IQCK: variants seen among roughly 807,000 people sequenced by gnomAD.
The protein encoded by IQCK is IQ domain-containing protein K.
In IQCK, 29 loss-of-function variants were observed where a neutral mutation model predicts 28.1. The observed-to-expected ratio is 1.03, with a 90% CI of 0.77 to 1.41. The LOEUF is 1.41. Among genes scored for constraint, IQCK ranks in the 40% most tolerant of loss-of-function variants. The pLI is 0.00. For missense variants in IQCK, 359 were observed against 314.7 expected (o/e 1.14, Z -1.07); for synonymous variants, 113 against 115.1 (o/e 0.98, Z 0.12).
intron 9 of IQCK, among the ~76,000 whole-genome samples, chr16:19,848,442 G>T (rs2056438346): frequency 6.6e-6 from 1 of 152,160 alleles, no homozygotes; most frequent in Non-Finnish European, 1.5e-5. Flanking sequence ...CAAGTTCTTG[G>T]CTGTGTTTGA....
intron 4 of IQCK, among the ~76,000 whole-genome samples, chr16:19,746,153 CAAA>C (rs1163809152): frequency 1.9e-4 from 11 of 57,958 alleles, no homozygotes; most frequent in African/African-American, 5.6e-4. Context: ...GACTATGTCT[CAAA>C]AAAAAAAAAA....
intron 9 of IQCK, among the ~76,000 whole-genome samples, chr16:19,842,637 G>A (rs1206570095): frequency 2.0e-5 from 3 of 152,178 alleles, no homozygotes; most frequent in African/African-American, 7.2e-5. Flanking sequence ...AAAATGGTTT[G>A]CTTCTTCCCT....
chr16:19,843,892 TC>T (rs1455395570), intron 9 of IQCK, among the ~76,000 whole-genome samples: 1 of 152,138 alleles, frequency 6.6e-6, no homozygotes, highest in Admixed American at 6.5e-5. Context: ...TAAGGCTTCA[TC>T]ATATGAATTC....
chr16:19,735,869 T>C (rs1977997409), intron 4 of IQCK: 4 of 340,542 alleles, frequency 1.2e-5, no homozygotes, highest in South Asian at 9.6e-5. Flanking sequence ...TCAAGACCAC[T>C]GGGCAACATA....
chr16:19,761,189 A>C (rs971629160), intron 4 of IQCK: 1 of 337,842 alleles, frequency 3.0e-6, no homozygotes, highest in South Asian at 2.3e-5. Context: ...CCCAGCCCCT[A>C]TTCAAGATGG....
At chr16:19,803,152 T>C (rs2055782183) in intron 7 of IQCK, among the ~76,000 whole-genome samples, 1 of 152,188 alleles carries the variant, frequency 6.6e-6, no homozygotes, top group African/African-American at 2.4e-5. Flanking sequence ...GTTTGTTTTT[T>C]TGTTTTTTGA....
chr16:19,823,501 C>T (rs2056103099), intron 7 of IQCK, among the ~76,000 whole-genome samples: 1 of 152,064 alleles, frequency 6.6e-6, no homozygotes. Context: ...CACCTGGGGT[C>T]CCTGGGGAGA....
chr16:19,743,606 T>A (rs1378668998), intron 4 of IQCK, among the ~76,000 whole-genome samples: 1 of 152,242 alleles, frequency 6.6e-6, no homozygotes, highest in East Asian at 1.9e-4. Context: ...ATCATCATCT[T>A]ATGGATCAGG....
chr16:19,846,174 A>G (rs147479976), intron 9 of IQCK, among the ~76,000 whole-genome samples: 1,772 of 152,332 alleles, frequency 0.012, 16 homozygotes, highest in Admixed American at 0.017. Flanking sequence ...AAGTCTTCCT[A>G]TCCTCCTTTT....
exon 8 of IQCK, chr16:19,827,053 C>T (rs1325624899): frequency 1.2e-6 from 2 of 1,613,920 alleles, no homozygotes; most frequent in Non-Finnish European, 8.5e-7. Flanking sequence ...GATTCAAGAA[C>T]TGCGTCAGTG....
intron 7 of IQCK, among the ~76,000 whole-genome samples, chr16:19,808,313 G>A (rs1014015035): frequency 2.6e-5 from 4 of 152,058 alleles, no homozygotes; most frequent in East Asian, 1.9e-4. Flanking sequence ...TTGCCAACTT[G>A]CCAGGCTATC....
intron 2 of IQCK, among the ~76,000 whole-genome samples, chr16:19,732,381 C>A (rs1858972): frequency 0.52 from 79,298 of 152,086 alleles, 25,025 homozygotes; most frequent in African/African-American, 0.86. Flanking sequence ...CTGGGTGCTC[C>A]TGAAGGGTGA....
At chr16:19,765,534 T>G (rs890774089) in intron 6 of IQCK, among the ~76,000 whole-genome samples, 4 of 151,534 alleles carry the variant, frequency 2.6e-5, no homozygotes, top group Non-Finnish European at 5.9e-5. Flanking sequence ...TGAGACTCTG[T>G]CTCAAAAAAA....
intron 7 of IQCK, among the ~76,000 whole-genome samples, chr16:19,809,769 C>T (rs2055879363): frequency 6.6e-6 from 1 of 152,166 alleles, no homozygotes; most frequent in Non-Finnish European, 1.5e-5. Flanking sequence ...TCCAGAGGGC[C>T]TGTTAACACA....
intron 4 of IQCK, among the ~76,000 whole-genome samples, chr16:19,752,533 A>G (rs567360371): frequency 1.8e-4 from 27 of 152,276 alleles, no homozygotes; most frequent in African/African-American, 6.3e-4. Flanking sequence ...AAACTGTCCT[A>G]AGTAGAAAGG....
rs531667599 is a variant in IQCK at position 19,812,658 on chromosome 16, G to A, written c.691-14368G>A. The stretch of plus-strand genomic sequence containing the variant: ...GGGCAAACTTGGAACTAATAGTTAT[G>A]AGCTCATAATAAAAAATAAACCAAC... On this transcript the variant is annotated intron_variant, in intron 7 of 7. Transcript: ENST00000564186. Among the ~76,000 whole-genome samples the A allele has an allele frequency of 1.2e-4, 18 of 152,226 alleles. No homozygotes were observed. In the East Asian group the frequency reaches 3.5e-3, roughly 29 times the overall value.
intron 2 of IQCK, among the ~76,000 whole-genome samples, chr16:19,731,230 C>T (rs1977826070): frequency 6.6e-6 from 1 of 152,070 alleles, no homozygotes; most frequent in South Asian, 2.1e-4. Flanking sequence ...GGGCTAAGGA[C>T]AGGGCAGCCA....
rs553101705 is a variant in IQCK at position 19,799,596 on chromosome 16, A to G, written c.690+10674A>G. Among the ~76,000 whole-genome samples the G allele has an allele frequency of 3.6e-5, 3 of 84,450 alleles. No individual in the cohort carries two copies. The East Asian group carries it at 8.0e-4, about 22-fold the overall frequency. 55.4% of individuals were successfully genotyped at this position (84,450 alleles called of 152,430 possible). On this transcript the variant is annotated intron_variant, in intron 7 of 7. Transcript: ENST00000564186. The stretch of plus-strand genomic sequence containing the variant: ...TATATTTTATTTTATATATATATAT[A>G]TACACACACACACACACACACACAC...
At chr16:19,853,724 C>T (rs1203025687) in intron 9 of IQCK, among the ~76,000 whole-genome samples, 2 of 152,188 alleles carry the variant, frequency 1.3e-5, no homozygotes, top group Non-Finnish European at 2.9e-5. Flanking sequence ...CTCTGCCTCC[C>T]TTCAAGCGAT....
Sources: gnomAD v4.1 joint callset for allele counts (sites outside exome capture counted in the v4.1 genomes callset) on GRCh38, gnomAD v4.1.1 for gene constraint, MANE v1.5 for transcripts, NCBI Gene and HGNC (gene_info 2026-07-23, HGNC 2026-07-21) for gene names.